The following PRMT8 variants were observed in gnomAD, a reference collection of about 807,000 sequenced individuals.
PRMT8 encodes the protein protein arginine N-methyltransferase 8.
PRMT8 carries 7 observed loss-of-function variants against 47.1 expected under a neutral mutation model. That is an observed-to-expected ratio of 0.15 (90% CI 0.08 to 0.28). PRMT8 has a LOEUF of 0.28. Ranked by LOEUF, PRMT8 falls within the 10% of genes least tolerant of loss-of-function variation. The pLI is 1.00. For missense variants in PRMT8, 237 were observed against 505.4 expected (o/e 0.47, Z 5.09); for synonymous variants, 188 against 186.5 (o/e 1.01, Z -0.07).
chr12:3,575,128 T>G (rs1866915452), intron 6 of PRMT8, among the ~76,000 whole-genome samples: 1 of 152,184 alleles, frequency 6.6e-6, no homozygotes, highest in Admixed American at 6.5e-5. Context: ...AACTGGAATT[T>G]CACAAGCACT....
At chr12:3,496,214 A>ATATATATATATATATATTTTTTT in intron 1 of PRMT8, among the ~76,000 whole-genome samples, 2 of 27,772 alleles carry the variant, frequency 7.2e-5, no homozygotes, top group African/African-American at 1.8e-4. Flanking sequence ...ATATATATAT[A>ATATATATATATATATATTTTTTT]TTTTTTTTTT....
intron 1 of PRMT8, among the ~76,000 whole-genome samples, chr12:3,441,448 C>T (rs997396256): frequency 6.6e-6 from 1 of 152,220 alleles, no homozygotes; most frequent in Non-Finnish European, 1.5e-5. Context: ...TTCCTTTGCA[C>T]TTGCTGTTCC....
At chr12:3,515,086 G>A (rs1865769003) in intron 1 of PRMT8, among the ~76,000 whole-genome samples, 1 of 152,182 alleles carries the variant, frequency 6.6e-6, no homozygotes, top group African/African-American at 2.4e-5. Context: ...ATTTACAACA[G>A]GGAAACTAAG....
intron 1 of PRMT8, among the ~76,000 whole-genome samples, chr12:3,384,920 G>C (rs1479002107): frequency 7.1e-6 from 1 of 141,486 alleles, no homozygotes; most frequent in Non-Finnish European, 1.5e-5. Context: ...CAGTCATGGA[G>C]ACAACTTCTT....
chr12:3,507,421 A>G (rs1194091844), intron 1 of PRMT8, among the ~76,000 whole-genome samples: 1 of 152,168 alleles, frequency 6.6e-6, no homozygotes, highest in Non-Finnish European at 1.5e-5. Context: ...GCGCCCAGCC[A>G]AGTGGTGGCC....
intron 1 of PRMT8, among the ~76,000 whole-genome samples, chr12:3,425,539 T>C (rs1864595208): frequency 6.6e-6 from 1 of 152,244 alleles, no homozygotes. Context: ...TGAATTTGTC[T>C]TTTAACTCAT....
In PRMT8 at chr12:3,572,244, A is replaced by C. The variant is rs185301270; in HGVS notation, c.712+2680A>C. Among the ~76,000 whole-genome samples, 77 of 151,940 alleles carry C rather than the reference A, an allele frequency of 5.1e-4. No individual in the cohort carries two copies. Among genetic ancestry groups the C allele is most frequent in the African/African-American group, 1.8e-3 (74 of 41,502 alleles). ...GGCTCACAATACATAATTTTAACGA[A>C]GGAAGGAAGGAAGGAAGGAAAGTGA... is the stretch of plus-strand genomic sequence containing the variant. On this transcript the variant is annotated intron_variant, in intron 6 of 9. Coordinates refer to ENST00000382622, the MANE Select transcript of PRMT8 (RefSeq NM_019854.5). The surrounding 1 kb of genome is among the most constrained non-coding windows in gnomAD (Gnocchi z 5.9).
Position 3,491,469 on chromosome 12 carries a change from A to G in PRMT8, c.-157A>G. 7.0e-7 allele frequency: 1 copy of G among 1,435,490 alleles called. No individual in the cohort carries two copies. Among genetic ancestry groups the G allele is most frequent in the South Asian group, 1.5e-5 (1 of 66,270 alleles). The allele number at this position is 1,435,490 out of a possible 1,614,324, so 88.9% of individuals were successfully genotyped here. A position where few individuals can be genotyped will look rare whatever the true frequency, so the allele number is the denominator to read the frequency against. ...TAAAAGAAAGTGGAGACTGCAGAAC[A>G]GACTCCGCTGTGGCTGACTGTGCCG... is the stretch of plus-strand genomic sequence containing the variant. On this transcript the variant is annotated 5_prime_UTR_variant, in exon 1 of 10. Coordinates refer to ENST00000382622, the MANE Select transcript of PRMT8 (RefSeq NM_019854.5).
In PRMT8 at chr12:3,557,859, C is replaced by T. The variant is rs939833384; in HGVS notation, c.481+4145C>T. 2.0e-5 allele frequency among the ~76,000 whole-genome samples: 3 copies of T among 152,100 alleles called. No homozygotes were observed. The highest frequency in any genetic ancestry group is 2.9e-5 in the Non-Finnish European group (2 of 67,998). ...GGCACAGCAGGATCAGATGTCCTCT[C>T]AGTGGTCCTGAGTCTCATCCCTGAG... is the stretch of plus-strand genomic sequence containing the variant. On this transcript the variant is annotated intron_variant, in intron 4 of 9. Coordinates refer to ENST00000382622, the MANE Select transcript of PRMT8 (RefSeq NM_019854.5). The surrounding 1 kb of genome is among the most constrained non-coding windows in gnomAD (Gnocchi z 4.7).
intron 1 of PRMT8, among the ~76,000 whole-genome samples, chr12:3,457,426 A>G (rs1393673433): frequency 1.3e-5 from 2 of 152,142 alleles, no homozygotes; most frequent in Non-Finnish European, 2.9e-5. Flanking sequence ...CTCCTACCTC[A>G]GCCTCCTGAG....
rs1866157544 is a variant in PRMT8, at chr12:3,538,333, A to G, written c.76-2273A>G. The G allele has an allele frequency of 4.1e-6, 1 of 244,530 alleles. No homozygotes were observed. The highest frequency in any genetic ancestry group is 8.3e-6 in the Non-Finnish European group (1 of 121,140). 15.1% of individuals were successfully genotyped at this position (244,530 alleles called of 1,614,324 possible). A position where few individuals can be genotyped will look rare whatever the true frequency, so the allele number is the denominator to read the frequency against. The stretch of plus-strand genomic sequence containing the variant: ...AGAATCTAGAAAACAGGGTCCTGGG[A>G]GGGCACAGTTCCCACACGTCTATTT... On this transcript the variant is annotated intron_variant, in intron 1 of 9. Transcript: ENST00000382622. The surrounding 1 kb of genome is among the most constrained non-coding windows in gnomAD (Gnocchi z 4.6).
intron 1 of PRMT8, among the ~76,000 whole-genome samples, chr12:3,537,245 T>G (rs1866135023): frequency 6.6e-6 from 1 of 152,238 alleles, no homozygotes; most frequent in Admixed American, 6.5e-5. Flanking sequence ...TATTTGAATT[T>G]GAATTTACCT....
At chr12:3,586,580 C>T (rs1027725448) in intron 8 of PRMT8, among the ~76,000 whole-genome samples, 2 of 152,190 alleles carry the variant, frequency 1.3e-5, no homozygotes, top group Non-Finnish European at 2.9e-5. Flanking sequence ...ACACCAGTAT[C>T]ACCTGGGAAA....
At chr12:3,429,014 G>C (rs1864642277) in intron 1 of PRMT8, among the ~76,000 whole-genome samples, 1 of 149,326 alleles carries the variant, frequency 6.7e-6, no homozygotes, top group South Asian at 2.2e-4. Flanking sequence ...CTCTCTCTCT[G>C]ACTCTCTCTC....
intron 4 of PRMT8, among the ~76,000 whole-genome samples, chr12:3,560,090 G>T (rs905139583): frequency 3.9e-5 from 6 of 152,178 alleles, no homozygotes; most frequent in African/African-American, 9.7e-5. Context: ...TTTCCTCCCA[G>T]GGTTTGCAAC....
chr12:3,441,530 A>G (rs780284721), intron 1 of PRMT8, among the ~76,000 whole-genome samples: 14 of 152,182 alleles, frequency 9.2e-5, no homozygotes, highest in Admixed American at 3.3e-4. Flanking sequence ...TTTGGGCCTC[A>G]TACCCTGTGT....
rs1866805818 is a variant in PRMT8 at position 3,569,488 on chromosome 12, G to C, written c.636G>C (p.Gly212=). 6.2e-7 allele frequency: 1 copy of C among 1,613,996 alleles called. No homozygotes were observed. The highest frequency in any genetic ancestry group is 8.5e-7 in the Non-Finnish European group (1 of 1,179,978). The change falls in exon 6 of 10, where the codon GGG becomes GGC. Residue 212 remains glycine, a synonymous_variant. Coordinates refer to ENST00000382622, the MANE Select transcript of PRMT8 (RefSeq NM_019854.5). The surrounding 1 kb of genome is among the most constrained non-coding windows in gnomAD (Gnocchi z 8.2). ...CAATTCATCAACAGAAACCTGGAGG[G>C]CTTATGTTTCCAGACCGGGCAGCTT... ...FARDKWLKPG[G]LMFPDRAALY... is the part of the protein sequence containing the mutation.
At chr12:3,585,238 G>A (rs1867144430) in intron 8 of PRMT8, among the ~76,000 whole-genome samples, 1 of 151,878 alleles carries the variant, frequency 6.6e-6, no homozygotes, top group Non-Finnish European at 1.5e-5. Flanking sequence ...TCATCAGGGG[G>A]TGAGGAGGTG....
intron 1 of PRMT8, among the ~76,000 whole-genome samples, chr12:3,435,391 C>T (rs531011544): frequency 7.9e-5 from 12 of 152,162 alleles, no homozygotes; most frequent in Non-Finnish European, 1.5e-4. Context: ...GATAATTAGA[C>T]CACCTTGCCT....
Sources: gnomAD v4.1 joint callset for allele counts (sites outside exome capture counted in the v4.1 genomes callset) on GRCh38, gnomAD v4.1.1 for gene constraint, Gnocchi (gnomAD v3.1) non-coding constraint, MANE v1.5 for transcripts, NCBI Gene and HGNC (gene_info 2026-07-23, HGNC 2026-07-21) for gene names.